The following CD200R1 variants were observed in gnomAD, a reference collection of about 807,000 sequenced individuals.
CD200R1 encodes the protein cell surface glycoprotein CD200 receptor 1.
A neutral mutation model predicts 38.1 loss-of-function variants in CD200R1; 30 were observed. The ratio of observed to expected loss-of-function variants is 0.79; its 90% confidence interval spans 0.59 to 1.07. The LOEUF (loss-of-function observed/expected upper bound fraction) is 1.07. Ranked by LOEUF, CD200R1 falls within the 50% of genes least tolerant of loss-of-function variation. The pLI, the probability that CD200R1 is intolerant of heterozygous loss-of-function variation, is 0.00. For synonymous variants in CD200R1, 128 were observed against 152.1 expected (o/e 0.84, Z 1.16); for missense variants, 372 against 415.4 (o/e 0.90, Z 0.91).
chr3:112,953,687 C>A (rs144850220), intron 1 of CD200R1, among the ~76,000 whole-genome samples: 1,551 of 152,116 alleles, frequency 0.01, 20 homozygotes, highest in South Asian at 0.031. Context: ...TTGTCTATGT[C>A]CAGGAATTTA....
intron 2 of CD200R1, among the ~76,000 whole-genome samples, chr3:112,946,800 T>G (rs1279070193): frequency 6.6e-6 from 1 of 152,036 alleles, no homozygotes; most frequent in African/African-American, 2.4e-5. Flanking sequence ...ACCCTAAGAG[T>G]TGAAAACTTA....
At chr3:112,963,043 C>A (rs550378758) in intron 1 of CD200R1, among the ~76,000 whole-genome samples, 181 of 152,292 alleles carry the variant, frequency 1.2e-3, no homozygotes, top group Non-Finnish European at 1.9e-3. Flanking sequence ...GTTTTAAAAA[C>A]AGGAGTTTCC....
chr3:112,936,702 C>T lies in CD200R1; in HGVS notation c.137-5531G>A, dbSNP rs572429789. ...TTCCTTGTAGATGCTGGACATTAGG[C>T]CTTTGTTAGATGAATAGATTATAAA... On this transcript the variant is annotated intron_variant, in intron 2 of 7. Transcript: ENST00000308611. Among the ~76,000 whole-genome samples, 12 of 152,140 alleles carry T rather than the reference C, an allele frequency of 7.9e-5. 1 individual carries two copies. In the South Asian group the frequency reaches 2.3e-3, roughly 29 times the overall value.
At chr3:112,950,038 A>G (rs1294704456) in intron 1 of CD200R1, among the ~76,000 whole-genome samples, 1 of 152,198 alleles carries the variant, frequency 6.6e-6, no homozygotes, top group Non-Finnish European at 1.5e-5. Context: ...ATATGAAAAT[A>G]TATTTCACAT....
chr3:112,929,167 C>T (rs1175838611), intron 4 of CD200R1, 23 bp downstream of exon 4: 1 of 1,613,800 alleles, frequency 6.2e-7, no homozygotes, highest in Non-Finnish European at 8.5e-7. Flanking sequence ...ATGTGAAATA[C>T]CTCAATATAT....
intron 1 of CD200R1, among the ~76,000 whole-genome samples, chr3:112,962,055 T>TAAGTATTATG (rs1933032612): frequency 6.6e-6 from 1 of 152,208 alleles, no homozygotes; most frequent in South Asian, 2.1e-4. Flanking sequence ...TAGAAAGCAG[T>TAAGTATTATG]AAGTATTATG....
At chr3:112,951,330 C>G (rs1323660647) in intron 1 of CD200R1, among the ~76,000 whole-genome samples, 3 of 151,908 alleles carry the variant, frequency 2.0e-5, no homozygotes, top group African/African-American at 7.2e-5. Context: ...AACTGAAAAG[C>G]CTTATATCTT....
chr3:112,934,121 C>T (rs933711143), intron 2 of CD200R1, among the ~76,000 whole-genome samples: 1 of 151,686 alleles, frequency 6.6e-6, no homozygotes, highest in Non-Finnish European at 1.5e-5. Flanking sequence ...AGATTCAGAT[C>T]CAAGAAGTTC....
intron 1 of CD200R1, among the ~76,000 whole-genome samples, chr3:112,966,908 C>G (rs1933178782): frequency 6.6e-6 from 1 of 152,186 alleles, no homozygotes; most frequent in African/African-American, 2.4e-5. Flanking sequence ...AATCTCGCTG[C>G]TCCCACGTCT....
intron 2 of CD200R1, among the ~76,000 whole-genome samples, chr3:112,933,068 C>A (rs1398671495): frequency 6.6e-6 from 1 of 152,176 alleles, no homozygotes; most frequent in African/African-American, 2.4e-5. Flanking sequence ...AGCAGGCATG[C>A]CCCTGGTGGA....
chr3:112,955,556 T>G (rs1941077929), intron 1 of CD200R1, among the ~76,000 whole-genome samples: 1 of 151,220 alleles, frequency 6.6e-6, no homozygotes, highest in African/African-American at 2.4e-5. Flanking sequence ...TCACCCAGGC[T>G]GGAGTGCAGT....
intron 1 of CD200R1, among the ~76,000 whole-genome samples, chr3:112,971,267 T>C (rs1408730700): frequency 6.6e-6 from 1 of 152,218 alleles, no homozygotes; most frequent in East Asian, 1.9e-4. Flanking sequence ...AGCTATTATA[T>C]TGAATTATTT....
intron 2 of CD200R1, among the ~76,000 whole-genome samples, chr3:112,938,621 C>G (rs564053210): frequency 3.3e-5 from 5 of 151,952 alleles, no homozygotes; most frequent in Admixed American, 6.6e-5. Flanking sequence ...AAAAGTCTCC[C>G]AACAAAGAAA....
chr3:112,962,787 C>G (rs1473244069), intron 1 of CD200R1, among the ~76,000 whole-genome samples: 1 of 152,008 alleles, frequency 6.6e-6, no homozygotes, highest in Non-Finnish European at 1.5e-5. Context: ...AAAACTAGAG[C>G]CTTGAAAACA....
intron 2 of CD200R1, among the ~76,000 whole-genome samples, chr3:112,932,785 C>A (rs929363880): frequency 3.9e-5 from 6 of 151,978 alleles, no homozygotes; most frequent in African/African-American, 7.2e-5. Flanking sequence ...ACATCCCCCC[C>A]AGGCCAGCCC....
intron 1 of CD200R1, among the ~76,000 whole-genome samples, chr3:112,970,619 C>T (rs1933280350): frequency 6.6e-6 from 1 of 151,992 alleles, no homozygotes; most frequent in Admixed American, 6.6e-5. Context: ...AATGGTTTTT[C>T]AGACACAAAT....
Position 112,924,471 on chromosome 3 carries a change from C to A in CD200R1, c.924+19G>T. 1 of 1,313,384 alleles carries A rather than the reference C, an allele frequency of 7.6e-7. No homozygotes were observed. The allele number at this position is 1,313,384 out of a possible 1,614,324, so 81.4% of individuals were successfully genotyped here. A position where few individuals can be genotyped will look rare whatever the true frequency, so the allele number is the denominator to read the frequency against. ...CTATTGGCTTAAGTTTGCAATTAGT[C>A]TTTTTTATCTTATCTTACCTCCTCA... On this transcript the variant is annotated intron_variant, in intron 7 of 7. Transcript: ENST00000308611.
intron 2 of CD200R1, among the ~76,000 whole-genome samples, chr3:112,943,650 G>T (rs1940775978): frequency 6.6e-6 from 1 of 151,546 alleles, no homozygotes. Context: ...AATTGAAAAT[G>T]AGAAAATCAA....
chr3:112,929,164 A>C (rs1159141979), intron 4 of CD200R1, 26 bp downstream of exon 4: 1 of 1,613,700 alleles, frequency 6.2e-7, no homozygotes, highest in South Asian at 1.1e-5. Flanking sequence ...GTGATGTGAA[A>C]TACCTCAATA....
Sources: allele counts gnomAD v4.1 joint callset (sites outside exome capture counted in the v4.1 genomes callset), GRCh38; gene constraint gnomAD v4.1.1; transcripts MANE v1.5; gene names NCBI Gene and HGNC (gene_info 2026-07-23, HGNC 2026-07-21).